SLC9A8: variants seen among roughly 807,000 people sequenced by gnomAD.
The protein encoded by SLC9A8 is sodium/hydrogen exchanger 8.
In SLC9A8, 48 loss-of-function variants were observed where a neutral mutation model predicts 66.6. The observed-to-expected ratio is 0.72, with a 90% CI of 0.57 to 0.92. The LOEUF (loss-of-function observed/expected upper bound fraction) is 0.92. Ranked by LOEUF, SLC9A8 falls within the 40% of genes least tolerant of loss-of-function variation. The pLI is 0.00. For missense variants in SLC9A8, 599 were observed against 747.3 expected (o/e 0.80, Z 2.31); for synonymous variants, 274 against 282.6 (o/e 0.97, Z 0.31).
rs1568890121 is a variant in SLC9A8 at position 49,887,893 on chromosome 20, A to C, written c.1703A>C (p.Gln568Pro). The C allele has an allele frequency of 6.2e-7, 1 of 1,613,838 alleles. No homozygotes were observed. The highest frequency in any genetic ancestry group is 8.5e-7 in the Non-Finnish European group (1 of 1,179,892). ...AACAAGTGGTACGAGGAGGTACGCC[A>C]GGGCCCCTCCGGCTCCGAGGACGAC... Reference protein sequence around the residue: ...LTNKWYEEVRQGPSGSEDDEQ... With the variant: ...LTNKWYEEVRPGPSGSEDDEQ... Residue 568 changes from glutamine to proline, a missense_variant, in exon 16 of 16, where the codon CAG becomes CCG. By Grantham distance (76) the Gln-to-Pro change is moderately conservative. Around this residue, in one of 2 missense-constraint regions of SLC9A8, gnomAD observed 467 missense variants for 626.5 expected, o/e 0.75. Transcript: ENST00000361573.
chr20:49,815,313 C>A, intron 2 of SLC9A8, 124 bp downstream of exon 2: 3 of 693,680 alleles, frequency 4.3e-6, no homozygotes, highest in Non-Finnish European at 6.8e-6. Flanking sequence ...TCATATCAAA[C>A]ACTGAGGGAA....
At chr20:49,858,281 T>C (rs1357287849) in intron 8 of SLC9A8, among the ~76,000 whole-genome samples, 1 of 151,912 alleles carries the variant, frequency 6.6e-6, no homozygotes, top group Non-Finnish European at 1.5e-5. Flanking sequence ...TAGGATATTA[T>C]CCAACATCAT....
chr20:49,850,773 TGTG>T, intron 6 of SLC9A8, 34 bp from the exon 7 acceptor site: 1 of 1,602,148 alleles, frequency 6.2e-7, no homozygotes. Flanking sequence ...GTTTTTTTTT[TGTG>T]TGTGTCTGTG....
intron 10 of SLC9A8, among the ~76,000 whole-genome samples, chr20:49,869,641 G>A (rs992879818): frequency 6.6e-6 from 1 of 151,872 alleles, no homozygotes; most frequent in East Asian, 2.0e-4. Flanking sequence ...AAACCATTCT[G>A]GCTAATATGG....
chr20:49,884,274 G>GAGACACACACAC (rs2089778813), intron 14 of SLC9A8: 1 of 114,998 alleles, frequency 8.7e-6, no homozygotes, highest in Non-Finnish European at 1.6e-5. Flanking sequence ...ACACACACAC[G>GAGACACACACAC]ACACACACAC....
At chr20:49,855,716 C>T (rs1330413168) in intron 8 of SLC9A8, 135 bp downstream of exon 8, 10 of 823,590 alleles carry the variant, frequency 1.2e-5, no homozygotes, top group Non-Finnish European at 1.7e-5. Context: ...CACTCTCTTT[C>T]TCTGTATTTC....
rs1491461147 is a variant in SLC9A8 at position 49,884,273 on chromosome 20, CGA to C, written c.1491+208_1491+209del. 5.7e-5 allele frequency: 12 copies of C among 209,010 alleles called. 1 individual carries two copies. Among genetic ancestry groups the C allele is most frequent in the African/African-American group, 2.1e-4 (2 of 9,410 alleles). The allele number at this position is 209,010 out of a possible 1,614,324, so 12.9% of individuals were successfully genotyped here. A position where few individuals can be genotyped will look rare whatever the true frequency, so the allele number is the denominator to read the frequency against. On this transcript the variant is annotated intron_variant, in intron 14 of 15. Transcript: ENST00000361573. ...CACACACACACGACACACACACACACGACACACACACACACGACACACACACA... is the reference window on the plus strand; with the variant it reads ...CACACACACACGACACACACACACACCACACACACACACGACACACACACA...
intron 10 of SLC9A8, among the ~76,000 whole-genome samples, chr20:49,874,171 A>T (rs905152149): frequency 6.7e-6 from 1 of 149,378 alleles, no homozygotes; most frequent in Non-Finnish European, 1.5e-5. Flanking sequence ...GGAGGATCAC[A>T]TAAACCTGGG....
intron 4 of SLC9A8, among the ~76,000 whole-genome samples, chr20:49,843,616 A>G (rs1340456821): frequency 6.6e-6 from 1 of 152,228 alleles, no homozygotes; most frequent in East Asian, 1.9e-4. Context: ...GGACCAATAT[A>G]TATTTCCCCA....
At chr20:49,865,197 TAAGTA>T (rs1032819699) in intron 10 of SLC9A8, among the ~76,000 whole-genome samples, 1 of 152,160 alleles carries the variant, frequency 6.6e-6, no homozygotes, top group Admixed American at 6.5e-5. Flanking sequence ...TGAGTGAGAT[TAAGTA>T]AATTACTCAA....
At chr20:49,885,292 A>G (rs531950235) in intron 14 of SLC9A8, among the ~76,000 whole-genome samples, 66 of 152,298 alleles carry the variant, frequency 4.3e-4, no homozygotes, top group Admixed American at 2.7e-3. Flanking sequence ...CCAGCATCTC[A>G]TAGGTATGGT....
intron 3 of SLC9A8, among the ~76,000 whole-genome samples, chr20:49,838,159 T>C (rs541680854): frequency 8.5e-5 from 13 of 152,290 alleles, no homozygotes; most frequent in Non-Finnish European, 1.6e-4. Context: ...CTTTCCAAGA[T>C]AGTTGGTTAC....
Position 49,812,885 on chromosome 20 carries a change from C to G in SLC9A8, c.-38C>G. The G allele has an allele frequency of 6.7e-7, 1 of 1,494,704 alleles. No homozygotes were observed. Among genetic ancestry groups the G allele is most frequent in the Non-Finnish European group, 8.9e-7 (1 of 1,123,698 alleles). 92.6% of individuals were successfully genotyped at this position (1,494,704 alleles called of 1,614,324 possible). On this transcript the variant is annotated 5_prime_UTR_variant, in exon 1 of 16. Coordinates refer to ENST00000361573, the MANE Select transcript of SLC9A8 (RefSeq NM_015266.3). ...AAGCAAAAGCGGGTCCTGCTAGCCC[C>G]GCGGCTCCGAACTCGGTGGTCCTGG...
intron 4 of SLC9A8, among the ~76,000 whole-genome samples, chr20:49,844,463 C>T (rs1305275361): frequency 2.0e-5 from 3 of 151,874 alleles, no homozygotes; most frequent in Admixed American, 1.3e-4. Flanking sequence ...CTGTGTTGTG[C>T]TGTTTCTTTT....
At chr20:49,877,926 C>A (rs2089483738) in intron 11 of SLC9A8, 55 bp from the exon 12 acceptor site, 2 of 1,217,988 alleles carry the variant, frequency 1.6e-6, no homozygotes, top group African/African-American at 1.5e-5. Flanking sequence ...TAGTTTAGTA[C>A]CATATTGGAA....
At chr20:49,857,594 T>C (rs868396764) in intron 8 of SLC9A8, among the ~76,000 whole-genome samples, 1 of 152,220 alleles carries the variant, frequency 6.6e-6, no homozygotes, top group Non-Finnish European at 1.5e-5. Flanking sequence ...GGCGCACGCC[T>C]GTAATCCCAG....
chr20:49,861,720 C>A lies in SLC9A8; in HGVS notation c.714-1209C>A, dbSNP rs377245026. On this transcript the variant is annotated intron_variant, in intron 8 of 15. Transcript: ENST00000361573. ...CGAGGAGGATATTTAATGAGAATAA[C>A]TCGATGTTCATGGTGTAATGGTTTT... Among the ~76,000 whole-genome samples the A allele has an allele frequency of 2.2e-3, 333 of 152,260 alleles. 2 individuals carry two copies. The highest frequency in any genetic ancestry group is 3.4e-3 in the Non-Finnish European group (234 of 68,014).
Position 49,850,692 on chromosome 20 carries a change from A to T in SLC9A8, c.535-118A>T, listed in dbSNP as rs2088207989. On this transcript the variant is annotated intron_variant, in intron 6 of 15. Transcript: ENST00000361573. ...CTTTTATTTTTCAAGTGGTTTGGGA[A>T]CTGAAGATTAATGTCCTTATTAGTT... The T allele has an allele frequency of 4.6e-6, 6 of 1,307,286 alleles. No homozygotes were observed. The South Asian group carries it at 7.1e-5, about 16-fold the overall frequency. The allele number at this position is 1,307,286 out of a possible 1,614,324, so 81.0% of individuals were successfully genotyped here. A position where few individuals can be genotyped will look rare whatever the true frequency, so the allele number is the denominator to read the frequency against.
At chr20:49,820,738 G>A (rs183231847) in intron 2 of SLC9A8, among the ~76,000 whole-genome samples, 8 of 151,968 alleles carry the variant, frequency 5.3e-5, no homozygotes, top group Non-Finnish European at 1.2e-4. Context: ...TAGAGACGGC[G>A]TTTCACCATG....
Sources: gnomAD v4.1 joint callset for allele counts (sites outside exome capture counted in the v4.1 genomes callset) on GRCh38, gnomAD v4.1.1 for gene constraint, gnomAD v4.1.1 regional missense constraint, MANE v1.5 for transcripts, NCBI Gene and HGNC (gene_info 2026-07-23, HGNC 2026-07-21) for gene names.